The following ZNF618 variants were observed in gnomAD, a reference collection of about 807,000 sequenced individuals.
ZNF618 encodes neural precursor cell expressed, developmentally down-regulated 10.
Under a neutral mutation model 103.0 loss-of-function variants are expected in ZNF618, and 34 were observed. The ratio of observed to expected loss-of-function variants is 0.33; its 90% CI spans 0.25 to 0.44. The LOEUF (loss-of-function observed/expected upper bound fraction) is 0.44. Ranked by LOEUF, ZNF618 falls within the 20% of genes least tolerant of loss-of-function variation. ZNF618 has a pLI of 1.00. For synonymous variants in ZNF618, 551 were observed against 542.2 expected, an observed-to-expected ratio of 1.02 and a Z score of -0.23; for missense variants, 1,059 against 1,295.4, an observed-to-expected ratio of 0.82 and a Z score of 2.80.
intron 1 of ZNF618, among the ~76,000 whole-genome samples, chr9:113,901,064 C>T (rs1182118613): frequency 1.0e-5 from 1 of 96,218 alleles, no homozygotes; most frequent in Non-Finnish European, 2.1e-5. Context: ...CGTCCTCTCG[C>T]GCTAACCCGA....
At chr9:113,974,422 G>A (rs758135979) in intron 2 of ZNF618, among the ~76,000 whole-genome samples, 57 of 152,348 alleles carry the variant, frequency 3.7e-4, no homozygotes, top group African/African-American at 1.3e-3. Flanking sequence ...ATTCCTCTGC[G>A]TGAGATCAGG....
At position 114,048,997 on chromosome 9, in the gene ZNF618, C is replaced by G; in HGVS notation, c.1695C>G (p.Ile565Met). Residue 565 changes from isoleucine to methionine, a missense_variant, in exon 15 of 15, where the codon ATC becomes ATG. Physicochemically the swap from Ile to Met is conservative, Grantham distance 10. Around this residue, in one of 6 missense-constraint regions of ZNF618, gnomAD observed 272 missense variants for 380.1 expected, o/e 0.72. Transcript: ENST00000374126. ...GTGTTGGCCCTGACTCCTGCTACATCCTCACAGCCTACCAGGCCGAGGGCA... is the reference window on the plus strand; with the variant it reads ...GTGTTGGCCCTGACTCCTGCTACATGCTCACAGCCTACCAGGCCGAGGGCA... ...SQSVGPDSCY[I>M]LTAYQAEGNH... 1.2e-6 allele frequency: 2 copies of G among 1,613,436 alleles called. No individual in the cohort carries two copies.
At chr9:114,033,686 G>T (rs527802072) in intron 12 of ZNF618, among the ~76,000 whole-genome samples, 46 of 152,282 alleles carry the variant, frequency 3.0e-4, no homozygotes, top group Non-Finnish European at 5.9e-4. Context: ...TCCGAGCAGG[G>T]CACAGCAAGC....
chr9:113,944,358 A>C (rs1834814943), intron 1 of ZNF618, among the ~76,000 whole-genome samples: 1 of 152,236 alleles, frequency 6.6e-6, no homozygotes, highest in East Asian at 1.9e-4. Context: ...GCTCACTGCA[A>C]ACTCCGCCTC....
chr9:114,001,285 G>A (rs1324285203), intron 4 of ZNF618, among the ~76,000 whole-genome samples: 2 of 151,742 alleles, frequency 1.3e-5, no homozygotes, highest in Admixed American at 1.3e-4. Flanking sequence ...GGCTGGGGGG[G>A]CCAGGCATTT....
intron 1 of ZNF618, among the ~76,000 whole-genome samples, chr9:113,929,929 A>G (rs913806860): frequency 6.6e-6 from 1 of 152,362 alleles, no homozygotes; most frequent in East Asian, 1.9e-4. Context: ...ATGACATTGT[A>G]TGAATAACCA....
chr9:114,002,594 A>G (rs753019211), intron 5 of ZNF618, 30 bp from the exon 6 acceptor site: 9 of 1,593,108 alleles, frequency 5.6e-6, no homozygotes, highest in South Asian at 2.2e-5. Context: ...CGGTAGCCCC[A>G]CCCCCATCCC....
At chr9:114,013,256 A>T (rs1298230692) in intron 9 of ZNF618, among the ~76,000 whole-genome samples, 1 of 152,186 alleles carries the variant, frequency 6.6e-6, no homozygotes, top group Non-Finnish European at 1.5e-5. Context: ...TACTCTGATG[A>T]ACTAAGTTGT....
chr9:113,912,753 C>T (rs546462191), intron 1 of ZNF618, among the ~76,000 whole-genome samples: 1 of 152,180 alleles, frequency 6.6e-6, no homozygotes, highest in East Asian at 1.9e-4. Context: ...TGTCAGAGGC[C>T]CTGTCTGGTG....
intron 13 of ZNF618, among the ~76,000 whole-genome samples, chr9:114,041,280 C>T (rs543792608): frequency 4.3e-4 from 65 of 152,224 alleles, no homozygotes; most frequent in African/African-American, 1.5e-3. Context: ...CTGTAGGTTG[C>T]CTATTCACTC....
intron 1 of ZNF618, among the ~76,000 whole-genome samples, chr9:113,940,691 T>C (rs1321234556): frequency 6.6e-6 from 1 of 152,156 alleles, no homozygotes; most frequent in African/African-American, 2.4e-5. Flanking sequence ...AAAAAAACTT[T>C]TTGTTTTAAA....
At chr9:113,909,951 A>G (rs1807280) in intron 1 of ZNF618, among the ~76,000 whole-genome samples, 16,282 of 151,798 alleles carry the variant, frequency 0.11, 1,420 homozygotes, top group East Asian at 0.3. Flanking sequence ...TGCTCGGCTA[A>G]TTTTTGTATT....
At chr9:113,971,980 A>G (rs1354375934) in intron 2 of ZNF618, among the ~76,000 whole-genome samples, 3 of 152,188 alleles carry the variant, frequency 2.0e-5, no homozygotes, top group African/African-American at 7.2e-5. Context: ...TTCTAATAGT[A>G]AAGACTACCA....
intron 1 of ZNF618, among the ~76,000 whole-genome samples, chr9:113,920,249 G>A (rs1191084142): frequency 6.6e-6 from 1 of 152,122 alleles, no homozygotes; most frequent in Admixed American, 6.5e-5. Context: ...GAGGCTATTG[G>A]CGTGGAGCCC....
chr9:113,899,473 C>T (rs1830324428), intron 1 of ZNF618, among the ~76,000 whole-genome samples: 1 of 152,178 alleles, frequency 6.6e-6, no homozygotes, highest in Admixed American at 6.5e-5. Flanking sequence ...CCTGGCAGAT[C>T]AGCAACACCG....
intron 1 of ZNF618, among the ~76,000 whole-genome samples, chr9:113,933,982 A>G (rs1833829276): frequency 6.6e-6 from 1 of 151,988 alleles, no homozygotes. Context: ...ATTGCTAAGG[A>G]CAAGGTCTAG....
At chr9:113,970,331 G>A (rs142828921) in intron 2 of ZNF618, among the ~76,000 whole-genome samples, 11 of 152,164 alleles carry the variant, frequency 7.2e-5, no homozygotes, top group Non-Finnish European at 1.6e-4. Context: ...TAATGTGTTC[G>A]GCTTAGTGTT....
intron 1 of ZNF618, among the ~76,000 whole-genome samples, chr9:113,909,979 T>G (rs1831367912): frequency 6.6e-6 from 1 of 152,104 alleles, no homozygotes; most frequent in African/African-American, 2.4e-5. Flanking sequence ...GAGATGGGAT[T>G]TCACCATGTT....
Position 113,960,328 on chromosome 9 carries a change from C to T in ZNF618, c.34-8789C>T, listed in dbSNP as rs73556411. Among the ~76,000 whole-genome samples the T allele has an allele frequency of 8.2e-3, 1,255 of 152,318 alleles. 14 individuals are homozygous for T. Among genetic ancestry groups the T allele is most frequent in the African/African-American group, 0.029 (1,198 of 41,572 alleles). On this transcript the variant is annotated intron_variant, in intron 1 of 14. Coordinates refer to ENST00000374126, the MANE Select transcript of ZNF618 (RefSeq NM_001318042.2). ...GCAATTGCTTTTGGGGTGCATATGC[C>T]TTCCAAGTCTGTCCATAAGCTTCCA... is the stretch of plus-strand genomic sequence containing the variant.
Sources: gnomAD v4.1 joint callset for allele counts (sites outside exome capture counted in the v4.1 genomes callset) on GRCh38, gnomAD v4.1.1 for gene constraint, gnomAD v4.1.1 regional missense constraint, MANE v1.5 for transcripts, NCBI Gene and HGNC (gene_info 2026-07-23, HGNC 2026-07-21) for gene names.